Variants in MED13L observed in about 807,000 individuals in gnomAD.
MED13L encodes the protein mediator of RNA polymerase II transcription subunit 13-like.
MED13L carries 7 observed loss-of-function variants against 220.9 expected under a neutral mutation model. The observed-to-expected ratio is 0.03, with a 90% CI of 0.02 to 0.06. The LOEUF is 0.06. Ranked by LOEUF, MED13L falls within the 10% of genes least tolerant of loss-of-function variation. The pLI is 1.00. For synonymous variants in MED13L, 1,011 were observed against 1,015.2 expected (o/e 1.00, Z 0.08); for missense variants, 1,965 against 2,760.5 (o/e 0.71, Z 6.46).
At chr12:115,979,208 G>A (rs1057498406) in intron 23 of MED13L, among the ~76,000 whole-genome samples, 2 of 152,144 alleles carry the variant, frequency 1.3e-5, no homozygotes, top group African/African-American at 4.8e-5. Flanking sequence ...CTCTCTTCCT[G>A]TTCCAAGCAA....
intron 2 of MED13L, among the ~76,000 whole-genome samples, chr12:116,207,254 C>T (rs534986644): frequency 2.6e-5 from 4 of 151,976 alleles, no homozygotes; most frequent in Admixed American, 1.3e-4. Flanking sequence ...TCCTGCCTCA[C>T]CCTCCCAAAA....
At chr12:116,189,924 G>A (rs1304676262) in intron 2 of MED13L, among the ~76,000 whole-genome samples, 1 of 152,096 alleles carries the variant, frequency 6.6e-6, no homozygotes, top group Non-Finnish European at 1.5e-5. Context: ...ATTAGTTCTA[G>A]ATGTTTTTTT....
chr12:116,124,861 G>T (rs771701177), intron 2 of MED13L, among the ~76,000 whole-genome samples: 2 of 152,190 alleles, frequency 1.3e-5, no homozygotes, highest in Non-Finnish European at 2.9e-5. Context: ...TTACACATGT[G>T]TGTTGCTGGG....
chr12:116,062,488 GTTT>G (rs56251325), intron 4 of MED13L, among the ~76,000 whole-genome samples: 5 of 97,336 alleles, frequency 5.1e-5, no homozygotes, highest in East Asian at 3.2e-4. Flanking sequence ...CTCTCTCTGT[GTTT>G]TTTTTTTTTT....
chr12:116,140,945 C>T (rs1459522545), intron 2 of MED13L, among the ~76,000 whole-genome samples: 1 of 152,190 alleles, frequency 6.6e-6, no homozygotes, highest in Non-Finnish European at 1.5e-5. Flanking sequence ...GCAGCTATGT[C>T]TGTTGTGCTG....
chr12:116,194,740 T>C (rs566862626), intron 2 of MED13L, among the ~76,000 whole-genome samples: 1 of 152,256 alleles, frequency 6.6e-6, no homozygotes. Flanking sequence ...TATAATAAGC[T>C]AGAAATAATT....
chr12:116,017,545 T>C (rs1879799034), intron 7 of MED13L, among the ~76,000 whole-genome samples: 1 of 152,254 alleles, frequency 6.6e-6, no homozygotes, highest in African/African-American at 2.4e-5. Flanking sequence ...TAGTTTAATA[T>C]AGTTGATTGA....
intron 4 of MED13L, among the ~76,000 whole-genome samples, chr12:116,034,870 G>A (rs1881079162): frequency 6.6e-6 from 1 of 152,088 alleles, no homozygotes; most frequent in Non-Finnish European, 1.5e-5. Flanking sequence ...GCCAGGCGTG[G>A]TGGCACAGGC....
rs553811426 is a variant in MED13L at position 115,975,805 on chromosome 12, G to C, written c.5365-67C>G. The C allele has an allele frequency of 3.4e-6, 5 of 1,469,412 alleles. No homozygotes were observed. In the South Asian group the frequency reaches 3.5e-5, roughly 10 times the overall value. 91.0% of individuals were successfully genotyped at this position (1,469,412 alleles called of 1,614,324 possible). On this transcript the variant is annotated intron_variant, in intron 23 of 30. Coordinates refer to ENST00000281928, the MANE Select transcript of MED13L (RefSeq NM_015335.5). ...AACTTAATGATTACAACAAAATCCA[G>C]AACGACACTGAGGGGACCCACAGGG...
chr12:116,082,293 G>T (rs1178837702), intron 4 of MED13L, among the ~76,000 whole-genome samples: 3 of 152,130 alleles, frequency 2.0e-5, no homozygotes, highest in African/African-American at 7.2e-5. Flanking sequence ...ACTTTTGGGG[G>T]TATACTTATG....
rs1262369627 is a variant in MED13L at position 116,231,570 on chromosome 12, A to G, written c.310+5898T>C. 3.3e-5 allele frequency among the ~76,000 whole-genome samples: 5 copies of G among 152,218 alleles called. No homozygotes were observed. In the South Asian group the frequency reaches 6.2e-4, roughly 19 times the overall value. ...TCTAAAAATGTGTGATCCTGATTGC[A>G]TTCTGGATCAGAGAGAGAGAAAACT... On this transcript the variant is annotated intron_variant, in intron 2 of 30. Transcript: ENST00000281928.
chr12:115,991,106 C>T lies in MED13L; in HGVS notation c.3848G>A (p.Arg1283Gln), dbSNP rs747696546. Residue 1283 changes from arginine to glutamine, a missense_variant, in exon 17 of 31, where the codon CGG becomes CAG. By Grantham distance (43) the Arg-to-Gln change is conservative. This residue lies in a region of MED13L where 165 missense variants were observed against 190.8 expected (regional missense o/e 0.86). Transcript: ENST00000281928. This position sits in a 1 kb window ranked among gnomAD's most constrained non-coding sequence, Gnocchi z 7.7. Reference sequence around the variant, plus strand: ...ACCAGTGGGGTTATCCACATACTGCCGCCCCTGCTCCAACGCATTAAAGCA... The same window carrying T: ...ACCAGTGGGGTTATCCACATACTGCTGCCCCTGCTCCAACGCATTAAAGCA... ...TECFNALEQGRQYVDNPTGGK... is the reference protein window; with the variant it reads ...TECFNALEQGQQYVDNPTGGK... 3.1e-6 allele frequency: 5 copies of T among 1,614,152 alleles called. No individual in the cohort carries two copies. Among genetic ancestry groups the T allele is most frequent in the South Asian group, 1.1e-5 (1 of 91,086 alleles).
intron 4 of MED13L, among the ~76,000 whole-genome samples, chr12:116,066,082 C>G (rs1030616572): frequency 1.2e-4 from 18 of 152,298 alleles, no homozygotes; most frequent in African/African-American, 3.4e-4. Flanking sequence ...CGGATTCAGT[C>G]TGTCTTTGAC....
At chr12:116,143,931 C>A (rs1204776099) in intron 2 of MED13L, among the ~76,000 whole-genome samples, 1 of 152,160 alleles carries the variant, frequency 6.6e-6, no homozygotes, top group Non-Finnish European at 1.5e-5. Flanking sequence ...CTAAAAGAGA[C>A]CACACACTGG....
At chr12:116,153,292 T>C (rs1361646567) in intron 2 of MED13L, among the ~76,000 whole-genome samples, 2 of 152,132 alleles carry the variant, frequency 1.3e-5, no homozygotes, top group African/African-American at 4.8e-5. Context: ...TGCTCACCTT[T>C]CTCAGTCTAT....
intron 2 of MED13L, among the ~76,000 whole-genome samples, chr12:116,122,827 T>A (rs953284052): frequency 2.0e-5 from 3 of 152,156 alleles, no homozygotes; most frequent in African/African-American, 4.8e-5. Context: ...AGCATTTCAA[T>A]GGATCACAAG....
At chr12:116,253,648 C>G (rs1338791073) in intron 1 of MED13L, among the ~76,000 whole-genome samples, 1 of 151,614 alleles carries the variant, frequency 6.6e-6, no homozygotes, top group Non-Finnish European at 1.5e-5. Flanking sequence ...TTTAGAAACC[C>G]ATCAGTATAA....
At chr12:116,211,600 T>C (rs1029146601) in intron 2 of MED13L, among the ~76,000 whole-genome samples, 4 of 152,210 alleles carry the variant, frequency 2.6e-5, no homozygotes, top group African/African-American at 7.2e-5. Context: ...ATTTATACTT[T>C]AGGGCAGCTG....
chr12:116,152,759 G>A (rs976793707), intron 2 of MED13L, among the ~76,000 whole-genome samples: 1 of 152,146 alleles, frequency 6.6e-6, no homozygotes, highest in African/African-American at 2.4e-5. Context: ...AAAAATGCAT[G>A]CTAAAATACG....
Sources: gnomAD v4.1 joint callset for allele counts (sites outside exome capture counted in the v4.1 genomes callset) on GRCh38, gnomAD v4.1.1 for gene constraint, gnomAD v4.1.1 regional missense constraint, Gnocchi (gnomAD v3.1) non-coding constraint, MANE v1.5 for transcripts, NCBI Gene and HGNC (gene_info 2026-07-23, HGNC 2026-07-21) for gene names.